Variants in TKT observed in about 807,000 individuals in gnomAD.
The protein encoded by TKT is epididymis luminal protein 107.
Under a neutral mutation model 63.9 loss-of-function variants are expected in TKT, and 47 were observed. That is an observed-to-expected ratio of 0.74 (90% CI 0.58 to 0.94). The LOEUF (loss-of-function observed/expected upper bound fraction) is 0.94. TKT is among the 40% of genes least tolerant of loss of function. TKT has a pLI of 0.00. For missense variants in TKT, 721 were observed against 846.2 expected (o/e 0.85, Z 1.84); for synonymous variants, 338 against 334.1 (o/e 1.01, Z -0.13).
chr3:53,228,686 A>C (rs1559645719), intron 10 of TKT: 2 of 509,364 alleles, frequency 3.9e-6, no homozygotes, highest in Non-Finnish European at 7.1e-6. Flanking sequence ...CCGGGCCTGG[A>C]CCACAGGGCT....
At position 53,233,270 on chromosome 3, in the gene TKT, G is replaced by A. The variant is rs782255878; in HGVS notation, c.634C>T (p.His212Tyr). 5 of 1,609,584 alleles carry A rather than the reference G, an allele frequency of 3.1e-6. No homozygotes were observed. The South Asian group carries it at 5.5e-5, about 18-fold the overall frequency. The change falls in exon 6 of 14, where the codon CAT becomes TAT. Residue 212 changes from histidine (H) to tyrosine (Y), a missense_variant. Coordinates refer to ENST00000462138, the MANE Select transcript of TKT (RefSeq NM_001064.4). ...YQKRCEAFGW[H>Y]AIIVDGHSVE... ...CTGTGTCCATCCACGATGATGGCAT[G>A]CCAACTGGGGACAGGGGGCAGAGAG...
At position 53,231,410 on chromosome 3, in the gene TKT, C is replaced by T. The variant is rs782593923; in HGVS notation, c.889G>A (p.Asp297Asn). The T allele has an allele frequency of 6.2e-7, 1 of 1,614,050 alleles. No homozygotes were observed. The highest frequency in any genetic ancestry group is 8.5e-7 in the Non-Finnish European group (1 of 1,180,032). Reference protein sequence around the residue: ...TPPQEDAPSVDIANIRMPSLP... With the variant: ...TPPQEDAPSVNIANIRMPSLP... ...CTGGGCATGCGGATGTTGGCAATGT[C>T]CACTGAGGGTGCGTCCTCCTGTGGA... is the stretch of plus-strand genomic sequence containing the variant. The change falls in exon 7 of 14, where the codon GAC (aspartate) becomes AAC (asparagine). Residue 297 changes from aspartate to asparagine, a missense_variant. Transcript: ENST00000462138.
At chr3:53,231,244 G>T in intron 7 of TKT, 113 bp downstream of exon 7, 1 of 1,197,116 alleles carries the variant, frequency 8.4e-7, no homozygotes, top group Non-Finnish European at 1.2e-6. Flanking sequence ...ATCACTCCTC[G>T]CCCTAAATGA....
intron 1 of TKT, 31 bp downstream of exon 1, chr3:53,255,805 G>C: frequency 7.0e-7 from 1 of 1,423,786 alleles, no homozygotes; most frequent in Non-Finnish European, 9.3e-7. Context: ...CCCCGCCCGA[G>C]CCGCGTCCCC....
rs1553675252 is a variant in TKT at position 53,225,659 on chromosome 3, C to G, written c.*97G>C. 1.5e-6 allele frequency: 2 copies of G among 1,355,118 alleles called. No individual in the cohort carries two copies. Among genetic ancestry groups the G allele is most frequent in the Non-Finnish European group, 2.0e-6 (2 of 1,008,112 alleles). 83.9% of individuals were successfully genotyped at this position (1,355,118 alleles called of 1,614,324 possible). ...CATTTCAGGGCCAATTCATTTTTCT[C>G]AAAACATATATTTACCCCTCCTCTC... On this transcript the variant is annotated 3_prime_UTR_variant, in exon 14 of 14. Coordinates refer to ENST00000462138, the MANE Select transcript of TKT (RefSeq NM_001064.4).
At chr3:53,244,435 G>A (rs1232197802) in intron 1 of TKT, among the ~76,000 whole-genome samples, 1 of 152,170 alleles carries the variant, frequency 6.6e-6, no homozygotes, top group Non-Finnish European at 1.5e-5. Context: ...AGCATGCACA[G>A]TACCCAGGTC....
At chr3:53,241,448 G>A (rs1219638618) in intron 2 of TKT, among the ~76,000 whole-genome samples, 1 of 152,260 alleles carries the variant, frequency 6.6e-6, no homozygotes, top group Non-Finnish European at 1.5e-5. Context: ...CCACTGCCAA[G>A]GCCAGGCAGG....
In TKT at chr3:53,249,340, G is replaced by A. The variant is rs1299767689; in HGVS notation, c.107+6496C>T. Among the ~76,000 whole-genome samples the A allele has an allele frequency of 2.6e-5, 4 of 151,962 alleles. No homozygotes were observed. The South Asian group carries it at 6.2e-4, about 24-fold the overall frequency. ...CGCCTGTAATCCCAACACTTTGGGA[G>A]GCCAAGGCTGGCGGGAGGATCACCT... On this transcript the variant is annotated intron_variant, in intron 1 of 13. Coordinates refer to ENST00000462138, the MANE Select transcript of TKT (RefSeq NM_001064.4).
rs73840245 is a variant in TKT, at chr3:53,225,355, G to T, written c.*401C>A. Reference sequence around the variant, plus strand: ...AGTGCCTGGTCAGCTTCCAGACTGAGGCAGTTCCCCAGCCCGCTCAGGGCC... The same window carrying T: ...AGTGCCTGGTCAGCTTCCAGACTGATGCAGTTCCCCAGCCCGCTCAGGGCC... On this transcript the variant is annotated 3_prime_UTR_variant, in exon 14 of 14. Coordinates refer to ENST00000462138, the MANE Select transcript of TKT (RefSeq NM_001064.4). 214 of 157,158 alleles carry T rather than the reference G, an allele frequency of 1.4e-3. 2 individuals carry two copies. The highest frequency in any genetic ancestry group is 6.1e-3 in the South Asian group (30 of 4,954). The allele number at this position is 157,158 out of a possible 1,614,324, so 9.7% of individuals were successfully genotyped here.
Position 53,235,038 on chromosome 3 carries a change from G to C in TKT, c.574C>G (p.Pro192Ala). Residue 192 changes from proline (P) to alanine (A), a missense_variant, in exon 5 of 14, where the codon CCG (proline) becomes GCG (alanine). Physicochemically the swap from Pro to Ala is conservative, Grantham distance 27. Transcript: ENST00000462138. ...TCCATCTGGTGCTGCAGTGGGGCCG[G>C]GTCACTCTGGCCCAGGCGATTGATG... is the stretch of plus-strand genomic sequence containing the variant. ...LDINRLGQSD[P>A]APLQHQMDIY... The C allele has an allele frequency of 6.2e-7, 1 of 1,613,948 alleles. No individual in the cohort carries two copies. The highest frequency in any genetic ancestry group is 1.7e-4 in the Middle Eastern group (1 of 6,058).
rs1704467050 is a variant in TKT at position 53,225,736 on chromosome 3, C to A, written c.*20G>T. 1 of 1,593,976 alleles carries A rather than the reference C, an allele frequency of 6.3e-7. No individual in the cohort carries two copies. Among genetic ancestry groups the A allele is most frequent in the Non-Finnish European group, 8.6e-7 (1 of 1,166,740 alleles). ...AATCTCAGGAATGTATAGACCCCCGCCCCACACTTCATACCCGCCCTAGGC... is the reference window on the plus strand; with the variant it reads ...AATCTCAGGAATGTATAGACCCCCGACCCACACTTCATACCCGCCCTAGGC... On this transcript the variant is annotated 3_prime_UTR_variant, in exon 14 of 14. Transcript: ENST00000462138.
intron 1 of TKT, among the ~76,000 whole-genome samples, chr3:53,245,986 G>A (rs1705486970): frequency 6.6e-6 from 1 of 152,106 alleles, no homozygotes; most frequent in African/African-American, 2.4e-5. Context: ...AACACAAACA[G>A]GCCGGGCACA....
intron 4 of TKT, chr3:53,237,709 T>A (rs967938463): frequency 1.3e-5 from 2 of 152,122 alleles, no homozygotes; most frequent in Non-Finnish European, 2.9e-5. Context: ...GATCACAAGG[T>A]CAGGAGATTG....
At chr3:53,230,105 C>T (rs1553676657) in intron 8 of TKT, among the ~76,000 whole-genome samples, 1 of 152,208 alleles carries the variant, frequency 6.6e-6, no homozygotes, top group African/African-American at 2.4e-5. Context: ...GCTCTACAGA[C>T]TCGGGCTGCT....
chr3:53,233,386 C>G, intron 5 of TKT, 112 bp from the exon 6 acceptor site: 1 of 695,194 alleles, frequency 1.4e-6, no homozygotes, highest in East Asian at 3.2e-5. Context: ...CTCCACCCCA[C>G]AACTGCGGCC....
At chr3:53,238,940 G>A (rs1438552215) in intron 4 of TKT, among the ~76,000 whole-genome samples, 1 of 152,240 alleles carries the variant, frequency 6.6e-6, no homozygotes, top group African/African-American at 2.4e-5. Flanking sequence ...GACATGGTTA[G>A]GCTCTGGGTC....
chr3:53,228,458 T>G, intron 10 of TKT, 99 bp from the exon 11 acceptor site: 1 of 1,322,494 alleles, frequency 7.6e-7, no homozygotes, highest in Non-Finnish European at 1.1e-6. Flanking sequence ...ATGGGAGCGT[T>G]AGTTACTGCA....
At chr3:53,232,692 C>A in intron 6 of TKT, 2 of 398,410 alleles carry the variant, frequency 5.0e-6, no homozygotes, top group Non-Finnish European at 8.8e-6. Flanking sequence ...TTGGCCCACA[C>A]AGGCCTTGCT....
chr3:53,250,643 A>C (rs1480024562), intron 1 of TKT, among the ~76,000 whole-genome samples: 4 of 152,116 alleles, frequency 2.6e-5, no homozygotes, highest in African/African-American at 4.8e-5. Context: ...ATAGTGGCTC[A>C]TGCCTGTGGT....
Sources: gnomAD v4.1 joint callset for allele counts (sites outside exome capture counted in the v4.1 genomes callset) on GRCh38, gnomAD v4.1.1 for gene constraint, MANE v1.5 for transcripts, NCBI Gene and HGNC (gene_info 2026-07-23, HGNC 2026-07-21) for gene names.